Variants in TBL1Y observed in about 807,000 individuals in gnomAD.
The protein encoded by TBL1Y is F-box-like/WD repeat-containing protein TBL1Y.
In TBL1Y, 15 loss-of-function variants were observed where a neutral mutation model predicts 12.0. The ratio of observed to expected loss-of-function variants is 1.25; its 90% confidence interval spans 0.83 to 1.92. The LOEUF (loss-of-function observed/expected upper bound fraction) is 1.92, where lower values mean the gene tolerates loss of function less well. TBL1Y is among the 40% of genes most tolerant of loss of function. The pLI, the probability that TBL1Y is intolerant of heterozygous loss-of-function variation, is 0.00. For synonymous variants in TBL1Y, 53 were observed against 42.6 expected (o/e 1.24, Z -0.95); for missense variants, 148 against 116.7 (o/e 1.27, Z -1.24).
At chrY:6,963,244 C>T in intron 2 of TBL1Y, among the ~76,000 whole-genome samples, 1 of 32,955 alleles carries the variant, frequency 3.0e-5, no homozygotes, top group Non-Finnish European at 7.4e-5. Context: ...TTGTTTAGGT[C>T]AATTTTTTGG....
intron 14 of TBL1Y, among the ~76,000 whole-genome samples, chrY:7,085,619 T>C: frequency 2.9e-5 from 1 of 34,110 alleles, no homozygotes; most frequent in Admixed American, 2.7e-4. Context: ...AATTCTTCAC[T>C]TGCTTTCCTT....
chrY:7,010,032 C>CAA (rs767441364), intron 4 of TBL1Y, among the ~76,000 whole-genome samples: 1 of 7,488 alleles, frequency 1.3e-4, no homozygotes, highest in Non-Finnish European at 2.9e-4. Context: ...ACTCCAGTCT[C>CAA]AAAAAAAAAA....
intron 12 of TBL1Y, among the ~76,000 whole-genome samples, chrY:7,073,088 C>A: frequency 2.9e-5 from 1 of 33,944 alleles, no homozygotes; most frequent in Non-Finnish European, 7.3e-5. Context: ...ACTTGAAAAC[C>A]TTAAGTAACA....
At chrY:6,924,152 A>T in intron 2 of TBL1Y, among the ~76,000 whole-genome samples, 1 of 32,580 alleles carries the variant, frequency 3.1e-5, no homozygotes, top group Non-Finnish European at 7.5e-5. Context: ...TACCATATAA[A>T]CTCATTTTAA....
chrY:7,012,586 A>G (rs982259695), intron 4 of TBL1Y, among the ~76,000 whole-genome samples: 2 of 34,183 alleles, frequency 5.9e-5, no homozygotes, highest in Non-Finnish European at 1.5e-4. Context: ...ACCGACTCCA[A>G]TACAAATTAG....
At chrY:7,065,866 A>G in intron 8 of TBL1Y, among the ~76,000 whole-genome samples, 2 of 33,765 alleles carry the variant, frequency 5.9e-5, no homozygotes, top group African/African-American at 2.3e-4. Flanking sequence ...CACAGTGGAT[A>G]TGGTTGTTTG....
At chrY:6,944,105 G>T in intron 2 of TBL1Y, among the ~76,000 whole-genome samples, 1 of 34,147 alleles carries the variant, frequency 2.9e-5, no homozygotes, top group Non-Finnish European at 7.3e-5. Flanking sequence ...AGCAGCCAGT[G>T]TGGGGGCAGA....
intron 7 of TBL1Y, 90 bp from the exon 8 acceptor site, chrY:7,063,806 TC>T (rs2124175493): frequency 3.0e-6 from 1 of 337,465 alleles, no homozygotes; most frequent in East Asian, 9.6e-5. Context: ...ATGCTCCACT[TC>T]CCCGTGCCTC....
intron 2 of TBL1Y, among the ~76,000 whole-genome samples, chrY:6,971,798 G>A: frequency 3.0e-5 from 1 of 33,689 alleles, no homozygotes; most frequent in Non-Finnish European, 7.3e-5. Flanking sequence ...TAGTAGAGAT[G>A]CGGTTTCGCC....
chrY:7,004,504 A>G (rs2012474514), intron 4 of TBL1Y, among the ~76,000 whole-genome samples: 1 of 34,432 alleles, frequency 2.9e-5, no homozygotes, highest in East Asian at 7.6e-4. Context: ...GTGACTTCAC[A>G]TAAGTGTAAT....
intron 6 of TBL1Y, chrY:7,042,776 G>C (rs2012730464): frequency 7.1e-6 from 1 of 141,612 alleles, no homozygotes; most frequent in African/African-American, 9.7e-5. Context: ...TGGTCTTCCT[G>C]AATCTGAAAC....
chrY:6,945,861 C>T, intron 2 of TBL1Y, among the ~76,000 whole-genome samples: 1 of 33,782 alleles, frequency 3.0e-5, no homozygotes, highest in Admixed American at 2.7e-4. Flanking sequence ...CCCAGAACAC[C>T]GTCGGTCCCA....
intron 2 of TBL1Y, among the ~76,000 whole-genome samples, chrY:6,958,956 C>T (rs1603029869): frequency 2.1e-4 from 7 of 33,755 alleles, no homozygotes; most frequent in Non-Finnish European, 3.7e-4. Flanking sequence ...CTTTTACTAA[C>T]CCGCCTCAGC....
intron 8 of TBL1Y, among the ~76,000 whole-genome samples, chrY:7,068,582 T>G (rs772334500): frequency 3.2e-5 from 1 of 31,730 alleles, no homozygotes; most frequent in South Asian, 7.6e-4. Context: ...TGTCAATGCA[T>G]TAGTCGCTAC....
intron 6 of TBL1Y, among the ~76,000 whole-genome samples, chrY:7,038,697 G>C: frequency 3.0e-5 from 1 of 33,338 alleles, no homozygotes; most frequent in Non-Finnish European, 7.4e-5. Context: ...TGGGTGGCAA[G>C]GCTGCTGGCT....
chrY:6,923,761 C>T, intron 2 of TBL1Y, among the ~76,000 whole-genome samples: 1 of 32,918 alleles, frequency 3.0e-5, no homozygotes, highest in Non-Finnish European at 7.4e-5. Flanking sequence ...TAGTGATCCA[C>T]CCCCCTCAGC....
chrY:7,063,827 G>C, intron 7 of TBL1Y, 70 bp from the exon 8 acceptor site: 4 of 380,540 alleles, frequency 1.1e-5, no homozygotes, highest in Non-Finnish European at 1.1e-5. Context: ...CTCCTGCCCA[G>C]AGAGTAGAGA....
At chrY:6,953,668 T>A (rs2012046673) in intron 2 of TBL1Y, among the ~76,000 whole-genome samples, 1 of 34,095 alleles carries the variant, frequency 2.9e-5, no homozygotes, top group Non-Finnish European at 7.3e-5. Context: ...GAAGCCTTCT[T>A]CTCTCAGCTC....
chrY:6,924,867 A>G (rs2011816961), intron 2 of TBL1Y, among the ~76,000 whole-genome samples: 1 of 34,223 alleles, frequency 2.9e-5, no homozygotes, highest in Non-Finnish European at 7.3e-5. Flanking sequence ...GTTCTATACA[A>G]TTGTAATGCC....
Sources: gnomAD v4.1 joint callset for allele counts (sites outside exome capture counted in the v4.1 genomes callset) on GRCh38, gnomAD v4.1.1 for gene constraint, MANE v1.5 for transcripts, NCBI Gene and HGNC (gene_info 2026-07-23, HGNC 2026-07-21) for gene names.